The following RHO variants were observed in gnomAD, a reference collection of about 807,000 sequenced individuals.
The protein encoded by RHO is opsin 2, rod pigment.
Under a neutral mutation model 31.2 loss-of-function variants are expected in RHO, and 21 were observed. The observed-to-expected ratio is 0.67, with a 90% CI of 0.48 to 0.97. RHO has a LOEUF of 0.97. RHO is among the 50% of genes least tolerant of loss of function. The pLI is 0.00. For synonymous variants in RHO, 211 were observed against 196.6 expected, an observed-to-expected ratio of 1.07 and a Z score of -0.61; for missense variants, 414 against 479.5, an observed-to-expected ratio of 0.86 and a Z score of 1.28.
rs1456836682 is a variant in RHO at position 129,534,193 on chromosome 3, G to A, written c.*475G>A. 1 of 161,736 alleles carries A rather than the reference G, an allele frequency of 6.2e-6. No individual in the cohort carries two copies. The highest frequency in any genetic ancestry group is 2.4e-5 in the African/African-American group (1 of 41,524). The allele number at this position is 161,736 out of a possible 1,614,324, so 10.0% of individuals were successfully genotyped here. A position where few individuals can be genotyped will look rare whatever the true frequency, so the allele number is the denominator to read the frequency against. The stretch of plus-strand genomic sequence containing the variant: ...GCAACTCATACTTGGCTAATGATAT[G>A]GAGCAGTTGTTTTTCCCTCCCTGGG... On this transcript the variant is annotated 3_prime_UTR_variant, in exon 5 of 5. Coordinates refer to ENST00000296271, the MANE Select transcript of RHO (RefSeq NM_000539.3).
At position 129,532,857 on chromosome 3, in the gene RHO, G is replaced by T; in HGVS notation, c.936+85G>T. 1 of 1,575,832 alleles carries T rather than the reference G, an allele frequency of 6.3e-7. No homozygotes were observed. The highest frequency in any genetic ancestry group is 1.1e-5 in the South Asian group (1 of 90,000). Reference sequence around the variant, plus strand: ...ACAAGCTACTTCCCAGGGCAGGGGAGGGGGCTCCATCAGGGTTACTGGCAG... The same window carrying T: ...ACAAGCTACTTCCCAGGGCAGGGGATGGGGCTCCATCAGGGTTACTGGCAG... On this transcript the variant is annotated intron_variant, in intron 4 of 4. Transcript: ENST00000296271. This position sits in a 1 kb window ranked among gnomAD's most constrained non-coding sequence, Gnocchi z 5.5.
chr3:129,533,538 C>T, intron 4 of RHO, 70 bp from the exon 5 acceptor site: 3 of 1,154,412 alleles, frequency 2.6e-6, no homozygotes, highest in Non-Finnish European at 3.9e-6. Flanking sequence ...CGGGGCGAAC[C>T]TCACTAACGT....
Position 129,533,643 on chromosome 3 carries a change from C to T in RHO, c.972C>T (p.Gly324=). 1 of 1,614,132 alleles carries T rather than the reference C, an allele frequency of 6.2e-7. No individual in the cohort carries two copies. The highest frequency in any genetic ancestry group is 1.3e-5 in the African/African-American group (1 of 75,054). The change falls in exon 5 of 5, where the codon GGC becomes GGT. Residue 324 remains glycine (G), a synonymous_variant. Transcript: ENST00000296271. ...RNCMLTTICC[G]KNPLGDDEAS... ...GCATGCTCACCACCATCTGCTGCGG[C>T]AAGAACCCACTGGGTGACGATGAGG...
Position 129,532,808 on chromosome 3 carries a change from G to C in RHO, c.936+36G>C. The C allele has an allele frequency of 1.2e-6, 2 of 1,612,368 alleles. No homozygotes were observed. Among genetic ancestry groups the C allele is most frequent in the South Asian group, 1.1e-5 (1 of 91,046 alleles). On this transcript the variant is annotated intron_variant, in intron 4 of 4. Transcript: ENST00000296271. The surrounding 1 kb of genome is among the most constrained non-coding windows in gnomAD (Gnocchi z 5.5). ...CGGGTGGGAGGGCCCCAGTGCCCCA[G>C]GCCACAGGCGCTGCCTGCCAAGGAC...
chr3:129,531,868 C>T (rs1369693779), intron 2 of RHO, among the ~76,000 whole-genome samples: 1 of 152,192 alleles, frequency 6.6e-6, no homozygotes, highest in Non-Finnish European at 1.5e-5. Context: ...AAAATACTCT[C>T]ACCCTGGGGC....
intron 1 of RHO, 110 bp from the exon 2 acceptor site, chr3:129,530,766 C>A (rs1469007434): frequency 2.2e-6 from 3 of 1,355,654 alleles, no homozygotes; most frequent in Non-Finnish European, 3.2e-6. Context: ...CTCCTCAAAT[C>A]CCTCTCCCAC....
rs749753555 is a variant in RHO, at chr3:129,533,703, G to C, written c.1032G>C (p.Gln344His). Reference protein sequence around the residue: ...SATVSKTETSQVAPA With the variant: ...SATVSKTETSHVAPA ...CCGTGTCCAAGACGGAGACGAGCCA[G>C]GTGGCCCCGGCCTAAGACCTGCCTA... Residue 344 changes from glutamine to histidine, a missense_variant, in exon 5 of 5, where the codon CAG becomes CAC. By Grantham distance (24) the Gln-to-His change is conservative. Transcript: ENST00000296271. The C allele has an allele frequency of 3.1e-6, 5 of 1,613,562 alleles. No individual in the cohort carries two copies. Among genetic ancestry groups the C allele is most frequent in the African/African-American group, 1.3e-5 (1 of 74,934 alleles).
At position 129,528,693 on chromosome 3, in the gene RHO, T is replaced by C; in HGVS notation, c.-41T>C. ...TGAGCTCAGGCCTTCGCAGCATTCT[T>C]GGGTGGGAGCAGCCACGGGTCAGCC... is the stretch of plus-strand genomic sequence containing the variant. On this transcript the variant is annotated 5_prime_UTR_variant, in exon 1 of 5. Coordinates refer to ENST00000296271, the MANE Select transcript of RHO (RefSeq NM_000539.3). 4 of 1,613,354 alleles carry C rather than the reference T, an allele frequency of 2.5e-6. No homozygotes were observed. The highest frequency in any genetic ancestry group is 3.4e-6 in the Non-Finnish European group (4 of 1,179,970).
Position 129,530,934 on chromosome 3 carries a change from T to TAAGC in RHO, c.421_424dup (p.Pro142GlnfsTer190). ...CCATCGAGCGGTACGTGGTGGTGTG[T>TAAGC]AAGCCCATGAGCAACTTCCGCTTCG... On this transcript the variant is annotated frameshift_variant, in exon 2 of 5. Transcript: ENST00000296271. LOFTEE classifies it high-confidence loss of function. 1.2e-6 allele frequency: 2 copies of TAAGC among 1,614,258 alleles called. No homozygotes were observed. Among genetic ancestry groups the TAAGC allele is most frequent in the Non-Finnish European group, 1.7e-6 (2 of 1,180,044 alleles).
chr3:129,531,076 C>CGGGGGCTCTTTGTA, intron 2 of RHO, 32 bp downstream of exon 2: 1 of 1,608,294 alleles, frequency 6.2e-7, no homozygotes. Context: ...GAAGAAGCTC[C>CGGGGGCTCTTTGTA]GGGGGCTCTT....
chr3:129,530,130 A>T (rs2084768177), intron 1 of RHO, among the ~76,000 whole-genome samples: 1 of 152,166 alleles, frequency 6.6e-6, no homozygotes, highest in Non-Finnish European at 1.5e-5. Flanking sequence ...CAGATCACTC[A>T]GTTCTGGCCA....
Position 129,533,782 on chromosome 3 carries a change from AC to A in RHO, c.*65del. ...CCATCCCCTACACCTTCCCCCAGCC[AC>A]AGCCATCCCACCAGGAGCAGCGCCT... On this transcript the variant is annotated 3_prime_UTR_variant, in exon 5 of 5. Coordinates refer to ENST00000296271, the MANE Select transcript of RHO (RefSeq NM_000539.3). 9.1e-7 allele frequency: 1 copy of A among 1,101,754 alleles called. No individual in the cohort carries two copies. Among genetic ancestry groups the A allele is most frequent in the Admixed American group, 1.7e-5 (1 of 59,156 alleles). 68.2% of individuals were successfully genotyped at this position (1,101,754 alleles called of 1,614,324 possible). A position where few individuals can be genotyped will look rare whatever the true frequency, so the allele number is the denominator to read the frequency against.
In RHO at chr3:129,533,714, C is replaced by A. The variant is rs1187838977; in HGVS notation, c.1043C>A (p.Ala348Asp). The part of the protein sequence containing the change: ...SKTETSQVAP[A>D] Reference sequence around the variant, plus strand: ...ACGGAGACGAGCCAGGTGGCCCCGGCCTAAGACCTGCCTAGGACTCTGTGG... The same window carrying A: ...ACGGAGACGAGCCAGGTGGCCCCGGACTAAGACCTGCCTAGGACTCTGTGG... Residue 348 changes from alanine to aspartate, a missense_variant, in exon 5 of 5, where the codon GCC becomes GAC. Ala to Asp is a moderately radical substitution (Grantham distance 126, BLOSUM62 -2). Coordinates refer to ENST00000296271, the MANE Select transcript of RHO (RefSeq NM_000539.3). 1 of 1,610,162 alleles carries A rather than the reference C, an allele frequency of 6.2e-7. No individual in the cohort carries two copies. Among genetic ancestry groups the A allele is most frequent in the Non-Finnish European group, 8.5e-7 (1 of 1,176,522 alleles).
rs2108749120 is a variant in RHO at position 129,528,742 on chromosome 3, C to T, written c.9C>T (p.Gly3=). The part of the protein sequence containing the change: MN[G]TEGPNFYVPF... Reference sequence around the variant, plus strand: ...CCACAAGGGCCACAGCCATGAATGGCACAGAAGGCCCTAACTTCTACGTGC... The same window carrying T: ...CCACAAGGGCCACAGCCATGAATGGTACAGAAGGCCCTAACTTCTACGTGC... The change falls in exon 1 of 5, where the codon GGC becomes GGT. Residue 3 remains glycine (G), a synonymous_variant. Transcript: ENST00000296271. The T allele has an allele frequency of 6.2e-7, 1 of 1,614,154 alleles. No homozygotes were observed. The highest frequency in any genetic ancestry group is 1.3e-5 in the African/African-American group (1 of 75,036).
intron 1 of RHO, 111 bp downstream of exon 1, chr3:129,529,205 T>C: frequency 7.5e-7 from 1 of 1,342,052 alleles, no homozygotes. Context: ...TCTCCTGTCC[T>C]GTCAATGTTA....
At chr3:129,530,565 CACAA>C (rs2084772136) in intron 1 of RHO, among the ~76,000 whole-genome samples, 1 of 151,468 alleles carries the variant, frequency 6.6e-6, no homozygotes. Context: ...CACACACACA[CACAA>C]AACTCCCTAC....
chr3:129,530,962 G>A lies in RHO; in HGVS notation c.448G>A (p.Glu150Lys), dbSNP rs104893791. 3.5e-5 allele frequency: 57 copies of A among 1,614,272 alleles called. No individual in the cohort carries two copies. The South Asian group carries it at 5.8e-4, about 16-fold the overall frequency. ...GCCCATGAGCAACTTCCGCTTCGGG[G>A]AGAACCATGCCATCATGGGCGTTGC... ...CKPMSNFRFG[E>K]NHAIMGVAFT... The change falls in exon 2 of 5, where the codon GAG becomes AAG. Residue 150 changes from glutamate (E) to lysine (K), a missense_variant. By Grantham distance (56) the Glu-to-Lys change is moderately conservative (BLOSUM62 1). Coordinates refer to ENST00000296271, the MANE Select transcript of RHO (RefSeq NM_000539.3).
At position 129,528,906 on chromosome 3, in the gene RHO, C is replaced by A; in HGVS notation, c.173C>A (p.Thr58Lys). 1 of 1,614,254 alleles carries A rather than the reference C, an allele frequency of 6.2e-7. No homozygotes were observed. The highest frequency in any genetic ancestry group is 8.5e-7 in the Non-Finnish European group (1 of 1,180,056). ...IVLGFPINFL[T>K]LYVTVQHKKL... ...CTGGGCTTCCCCATCAACTTCCTCA[C>A]GCTCTACGTCACCGTCCAGCACAAG... The change falls in exon 1 of 5, where the codon ACG (threonine) becomes AAG (lysine). Residue 58 changes from threonine (T) to lysine (K), a missense_variant. By Grantham distance (78) the Thr-to-Lys change is moderately conservative. Coordinates refer to ENST00000296271, the MANE Select transcript of RHO (RefSeq NM_000539.3).
rs2108749960 is a variant in RHO, at chr3:129,530,970, T to C, written c.456T>C (p.His152=). Residue 152 remains histidine (H), a synonymous_variant, in exon 2 of 5, where the codon CAT becomes CAC. Coordinates refer to ENST00000296271, the MANE Select transcript of RHO (RefSeq NM_000539.3). ...PMSNFRFGEN[H]AIMGVAFTWV... is the part of the protein sequence containing the mutation. ...GCAACTTCCGCTTCGGGGAGAACCA[T>C]GCCATCATGGGCGTTGCCTTCACCT... is the stretch of plus-strand genomic sequence containing the variant. 6.2e-7 allele frequency: 1 copy of C among 1,614,244 alleles called. No individual in the cohort carries two copies. Among genetic ancestry groups the C allele is most frequent in the Non-Finnish European group, 8.5e-7 (1 of 1,180,042 alleles).
Sources: gnomAD v4.1 joint callset for allele counts (sites outside exome capture counted in the v4.1 genomes callset) on GRCh38, gnomAD v4.1.1 for gene constraint, Gnocchi (gnomAD v3.1) non-coding constraint, MANE v1.5 for transcripts, NCBI Gene and HGNC (gene_info 2026-07-23, HGNC 2026-07-21) for gene names.